The following DNAI7 variants were observed in gnomAD, a reference collection of about 807,000 sequenced individuals.
DNAI7 encodes the protein cancer susceptibility 1.
Under a neutral mutation model 86.6 loss-of-function variants are expected in DNAI7, and 78 were observed. The observed-to-expected ratio is 0.90, with a 90% CI of 0.75 to 1.09. The LOEUF (loss-of-function observed/expected upper bound fraction) is 1.09, where lower values mean the gene tolerates loss of function less well. Among genes scored for constraint, DNAI7 ranks in the 50% least tolerant of loss-of-function variants. The pLI is 0.00. For synonymous variants in DNAI7, 274 were observed against 273.0 expected (o/e 1.00, Z -0.04); for missense variants, 753 against 810.2 (o/e 0.93, Z 0.86).
chr12:25,115,557 G>C (rs994930619), intron 12 of DNAI7, among the ~76,000 whole-genome samples: 1 of 151,990 alleles, frequency 6.6e-6, no homozygotes, highest in Non-Finnish European at 1.5e-5. Flanking sequence ...GATATGAAAG[G>C]CTAATAAGTA....
At chr12:25,155,258 C>G in intron 5 of DNAI7, 53 bp downstream of exon 5, 2 of 910,256 alleles carry the variant, frequency 2.2e-6, no homozygotes, top group South Asian at 1.7e-5. Flanking sequence ...TTGGACTACA[C>G]CTCCCTCTTG....
chr12:25,116,776 T>C (rs570814193), intron 12 of DNAI7, among the ~76,000 whole-genome samples: 1 of 152,204 alleles, frequency 6.6e-6, no homozygotes, highest in East Asian at 1.9e-4. Flanking sequence ...ATTACAAACA[T>C]GAGCTACCAT....
intron 6 of DNAI7, among the ~76,000 whole-genome samples, chr12:25,150,558 T>C (rs890173487): frequency 1.0e-4 from 14 of 136,104 alleles, no homozygotes; most frequent in African/African-American, 3.2e-4. Flanking sequence ...GAGCCGAGAT[T>C]GCACCACTGC....
intron 12 of DNAI7, among the ~76,000 whole-genome samples, chr12:25,116,647 G>C (rs190253845): frequency 6.6e-6 from 1 of 152,078 alleles, no homozygotes; most frequent in Non-Finnish European, 1.5e-5. Flanking sequence ...TTACAGGCAC[G>C]TGACACCACG....
At chr12:25,122,322 T>C (rs1400557496) in intron 10 of DNAI7, among the ~76,000 whole-genome samples, 2 of 151,010 alleles carry the variant, frequency 1.3e-5, no homozygotes, top group Non-Finnish European at 3.0e-5. Flanking sequence ...GCTAGCCTGG[T>C]GGTGCATGCC....
rs536166435 is a variant in DNAI7, at chr12:25,165,166, C to T, written c.22-3969G>A. On this transcript the variant is annotated intron_variant, in intron 2 of 15. Transcript: ENST00000395987. ...TCAATATACATTTTATTACCCAATC[C>T]GCTCCGGACATTAAATAAAACTTCA... Among the ~76,000 whole-genome samples the T allele has an allele frequency of 2.5e-4, 38 of 152,220 alleles. No individual in the cohort carries two copies. The East Asian group carries it at 3.3e-3, about 13-fold the overall frequency.
chr12:25,187,942 G>A (rs1457855351), intron 2 of DNAI7, among the ~76,000 whole-genome samples: 1 of 152,194 alleles, frequency 6.6e-6, no homozygotes, highest in Non-Finnish European at 1.5e-5. Context: ...CTCTGACACT[G>A]GTAGAAGGAA....
At chr12:25,169,739 T>C (rs1947911613) in intron 2 of DNAI7, among the ~76,000 whole-genome samples, 1 of 151,000 alleles carries the variant, frequency 6.6e-6, no homozygotes, top group Non-Finnish European at 1.5e-5. Flanking sequence ...TCCCAGCAAC[T>C]TGGGAGGGTG....
At chr12:25,171,260 A>C (rs1948098609) in intron 2 of DNAI7, among the ~76,000 whole-genome samples, 1 of 152,238 alleles carries the variant, frequency 6.6e-6, no homozygotes, top group African/African-American at 2.4e-5. Flanking sequence ...TAGAAAATCC[A>C]AATAATCTCA....
intron 12 of DNAI7, among the ~76,000 whole-genome samples, chr12:25,118,492 A>G (rs981704519): frequency 2.0e-5 from 3 of 151,724 alleles, no homozygotes; most frequent in Non-Finnish European, 2.9e-5. Flanking sequence ...CAAACTCCTG[A>G]CCTCAGGTGA....
At chr12:25,136,071 T>G (rs981544893) in intron 9 of DNAI7, among the ~76,000 whole-genome samples, 10 of 152,144 alleles carry the variant, frequency 6.6e-5, no homozygotes, top group Non-Finnish European at 1.3e-4. Context: ...AAGCGCCACC[T>G]CCTGGCTGAA....
rs1333112343 is a variant in DNAI7 at position 25,119,062 on chromosome 12, A to G, written c.1396+83T>C. On this transcript the variant is annotated intron_variant, in intron 12 of 15. Transcript: ENST00000395987. ...TAGAAATATGTAAGATAGTAAGCTC[A>G]GTTAATACACTACACTTTCTGTTTC... is the stretch of plus-strand genomic sequence containing the variant. 1.4e-5 allele frequency: 15 copies of G among 1,101,482 alleles called. No individual in the cohort carries two copies. The East Asian group carries it at 2.7e-4, about 20-fold the overall frequency. 68.2% of individuals were successfully genotyped at this position (1,101,482 alleles called of 1,614,324 possible). A position where few individuals can be genotyped will look rare whatever the true frequency, so the allele number is the denominator to read the frequency against.
At chr12:25,131,725 A>G (rs1942954779) in intron 9 of DNAI7, among the ~76,000 whole-genome samples, 1 of 152,128 alleles carries the variant, frequency 6.6e-6, no homozygotes, top group Non-Finnish European at 1.5e-5. Flanking sequence ...GGATTGCCCA[A>G]TTTATGTAGG....
At chr12:25,127,479 CA>C (rs1255840522) in intron 9 of DNAI7, among the ~76,000 whole-genome samples, 1 of 152,076 alleles carries the variant, frequency 6.6e-6, no homozygotes, top group Admixed American at 6.6e-5. Flanking sequence ...TGTCAAGTCT[CA>C]AAAACTGACA....
At chr12:25,125,219 A>C (rs898395594) in intron 9 of DNAI7, among the ~76,000 whole-genome samples, 9 of 152,186 alleles carry the variant, frequency 5.9e-5, no homozygotes, top group African/African-American at 1.7e-4. Context: ...TGGTTGAACT[A>C]ATTTACACTC....
intron 9 of DNAI7, among the ~76,000 whole-genome samples, chr12:25,136,851 C>A (rs770914852): frequency 6.6e-6 from 1 of 151,932 alleles, no homozygotes; most frequent in African/African-American, 2.4e-5. Context: ...ATTAACCCAA[C>A]CCAACAAAGA....
chr12:25,118,391 G>T (rs1162197435), intron 12 of DNAI7, among the ~76,000 whole-genome samples: 1 of 152,010 alleles, frequency 6.6e-6, no homozygotes, highest in Admixed American at 6.6e-5. Flanking sequence ...AGCCTGCGGA[G>T]TAGCTGGGAT....
intron 7 of DNAI7, 25 bp downstream of exon 7, chr12:25,149,603 T>C: frequency 3.9e-6 from 6 of 1,538,930 alleles, no homozygotes; most frequent in Admixed American, 2.0e-5. Context: ...TAAAACTTAA[T>C]ATATAAGCAA....
At chr12:25,172,521 T>C (rs570159429) in intron 2 of DNAI7, among the ~76,000 whole-genome samples, 5 of 152,232 alleles carry the variant, frequency 3.3e-5, no homozygotes, top group African/African-American at 9.6e-5. Context: ...AAAATAACCA[T>C]ACTGCCAAAA....
Sources: allele counts gnomAD v4.1 joint callset (sites outside exome capture counted in the v4.1 genomes callset), GRCh38; gene constraint gnomAD v4.1.1; transcripts MANE v1.5; gene names NCBI Gene and HGNC (gene_info 2026-07-23, HGNC 2026-07-21).